Variants in UMOD observed in about 807,000 individuals in gnomAD.
UMOD encodes the protein Tamm-Horsfall urinary glycoprotein.
A neutral mutation model predicts 66.0 loss-of-function variants in UMOD; 64 were observed. That is an observed-to-expected ratio of 0.97 (90% confidence interval 0.79 to 1.19). The LOEUF (loss-of-function observed/expected upper bound fraction) is 1.19, where lower values mean the gene tolerates loss of function less well. Among genes scored for constraint, UMOD ranks in the 50% most tolerant of loss-of-function variants. The pLI is 0.00. For missense variants in UMOD, 764 were observed against 850.9 expected (o/e 0.90, Z 1.27); for synonymous variants, 398 against 352.7 (o/e 1.13, Z -1.44).
rs756373934 is a variant in UMOD, at chr16:20,341,156, G to A, written c.1512C>T (p.Thr504=). Reference sequence around the variant, plus strand: ...TGCTACTGGGTGTGGCATAGCAGTTGGTCATGAGCAGTGCAAATCGGGACA... The same window carrying A: ...TGCTACTGGGTGTGGCATAGCAGTTAGTCATGAGCAGTGCAAATCGGGACA... ...GDLSRFALLM[T]NCYATPSSNA... Residue 504 remains threonine, a synonymous_variant, in exon 7 of 11, where the codon ACC becomes ACT. Coordinates refer to ENST00000396138, the MANE Select transcript of UMOD (RefSeq NM_003361.4). 11 of 1,613,990 alleles carry A rather than the reference G, an allele frequency of 6.8e-6. No individual in the cohort carries two copies. In the East Asian group the frequency reaches 1.8e-4, roughly 26 times the overall value.
chr16:20,350,986 C>G, intron 1 of UMOD, 147 bp from the exon 2 acceptor site: 2 of 752,230 alleles, frequency 2.7e-6, no homozygotes, highest in South Asian at 3.7e-5. Context: ...CCTTGTTTTG[C>G]TGGGACTTTA....
intron 7 of UMOD, 139 bp downstream of exon 7, chr16:20,340,952 C>T (rs888722608): frequency 1.1e-5 from 11 of 970,204 alleles, no homozygotes; most frequent in Non-Finnish European, 1.4e-5. Context: ...CGAGGTCACA[C>T]CATTGCACTC....
At position 20,341,252 on chromosome 16, in the gene UMOD, G is replaced by A. The variant is rs1431441223; in HGVS notation, c.1416C>T (p.Tyr472=). 6.2e-7 allele frequency: 1 copy of A among 1,614,086 alleles called. No homozygotes were observed. The highest frequency in any genetic ancestry group is 8.5e-7 in the Non-Finnish European group (1 of 1,180,014). ...LFQTPSYTQP[Y]QGSSVTLSTE... ...TGGACAGTGTCACGGAGGAGCCTTG[G>A]TAGGGCTGCGTGTAGGAAGGGGTCT... Residue 472 remains tyrosine, a synonymous_variant, in exon 7 of 11, where the codon TAC becomes TAT. Transcript: ENST00000396138.
At position 20,348,581 on chromosome 16, in the gene UMOD, C is replaced by T. The variant is rs1238214228; in HGVS notation, c.720G>A (p.Glu240=). The stretch of plus-strand genomic sequence containing the variant: ...CGCAGGCCTTGCGGCTCACGATGCC[C>T]TCGTCGCTGGACGGATGCGTGCCAT... The part of the protein sequence containing the change: ...WLNGTHPSSD[E]GIVSRKACAH... The change falls in exon 3 of 11, where the codon GAG becomes GAA. Residue 240 remains glutamate, a synonymous_variant. Transcript: ENST00000396138. The T allele has an allele frequency of 2.5e-6, 4 of 1,594,776 alleles. No individual in the cohort carries two copies. The highest frequency in any genetic ancestry group is 2.3e-5 in the East Asian group (1 of 44,266).
At chr16:20,334,651 C>T (rs565690688) in intron 10 of UMOD, among the ~76,000 whole-genome samples, 1 of 152,140 alleles carries the variant, frequency 6.6e-6, no homozygotes, top group East Asian at 1.9e-4. Flanking sequence ...CCAGGCACTC[C>T]AGGCATTTCC....
intron 4 of UMOD, among the ~76,000 whole-genome samples, 198 bp from the exon 5 acceptor site, chr16:20,346,532 A>C (rs1406415268): frequency 6.6e-6 from 1 of 152,210 alleles, no homozygotes; most frequent in Non-Finnish European, 1.5e-5. Context: ...CCACTGACCA[A>C]CCACTCAGTC....
intron 6 of UMOD, among the ~76,000 whole-genome samples, chr16:20,343,151 A>ATAAATAAATAAT (rs34049357): frequency 1.5e-4 from 23 of 151,442 alleles, no homozygotes; most frequent in South Asian, 4.2e-4. Context: ...AAATAAATAA[A>ATAAATAAATAAT]TAAATAATCA....
Position 20,348,569 on chromosome 16 carries a change from G to T in UMOD, c.732C>A (p.Ser244Arg). The T allele has an allele frequency of 6.3e-7, 1 of 1,596,326 alleles. No homozygotes were observed. Among genetic ancestry groups the T allele is most frequent in the African/African-American group, 1.3e-5 (1 of 74,896 alleles). ...THPSSDEGIV[S>R]RKACAHWSGH... The stretch of plus-strand genomic sequence containing the variant: ...CGCTCCAGTGCGCGCAGGCCTTGCG[G>T]CTCACGATGCCCTCGTCGCTGGACG... Residue 244 changes from serine (S) to arginine (R), a missense_variant, in exon 3 of 11, where the codon AGC becomes AGA. By Grantham distance (110) the Ser-to-Arg change is moderately radical (BLOSUM62 -1). Coordinates refer to ENST00000396138, the MANE Select transcript of UMOD (RefSeq NM_003361.4).
rs1414886886 is a variant in UMOD, at chr16:20,333,294, A to G, written c.*20T>C. On this transcript the variant is annotated 3_prime_UTR_variant, in exon 11 of 11. Coordinates refer to ENST00000396138, the MANE Select transcript of UMOD (RefSeq NM_003361.4). ...GGAGGTGAGATGGCAGCCATGGAGC[A>G]CAGGGCTTTCCGCTGTCAGTCACTG... 6.2e-7 allele frequency: 1 copy of G among 1,611,220 alleles called. No homozygotes were observed. The highest frequency in any genetic ancestry group is 1.7e-5 in the Admixed American group (1 of 59,824).
chr16:20,355,955 A>T (rs538943640), upstream of UMOD, among the ~76,000 whole-genome samples: 4 of 152,226 alleles, frequency 2.6e-5, no homozygotes, highest in African/African-American at 9.6e-5. Context: ...TCTCACTCAG[A>T]TTTACCTGCA....
At chr16:20,343,931 C>A in intron 6 of UMOD, 93 bp downstream of exon 6, 1 of 1,496,018 alleles carries the variant, frequency 6.7e-7, no homozygotes, top group Non-Finnish European at 9.2e-7. Flanking sequence ...TCACTCCCAG[C>A]TCCCTGTGGG....
chr16:20,349,214 T>C lies in UMOD; in HGVS notation c.89-2A>G, dbSNP rs767860798. On this transcript the variant is annotated splice_acceptor_variant, in intron 2 of 10. Transcript: ENST00000396138. LOFTEE classifies it high-confidence loss of function. ...TGCTGTGACATTCAGAGCACCATCC[T>C]GTGGACAGAAAAGCCCAGCTTCAGG... 4 of 1,612,894 alleles carry C rather than the reference T, an allele frequency of 2.5e-6. No individual in the cohort carries two copies. The highest frequency in any genetic ancestry group is 3.4e-6 in the Non-Finnish European group (4 of 1,179,858).
At chr16:20,337,818 G>A (rs1759788050) in intron 7 of UMOD, among the ~76,000 whole-genome samples, 1 of 152,132 alleles carries the variant, frequency 6.6e-6, no homozygotes, top group Non-Finnish European at 1.5e-5. Flanking sequence ...GCTGCTATGT[G>A]CTATCTACAA....
upstream of UMOD, chr16:20,352,821 G>A (rs1385693535): frequency 9.5e-7 from 1 of 1,049,698 alleles, no homozygotes; most frequent in Admixed American, 4.3e-5. Flanking sequence ...TCTTGGGGGT[G>A]GAATATTTTT....
intron 6 of UMOD, 96 bp downstream of exon 6, chr16:20,343,928 C>A: frequency 1.3e-6 from 2 of 1,488,596 alleles, no homozygotes; most frequent in South Asian, 2.3e-5. Flanking sequence ...CCCTCACTCC[C>A]AGCTCCCTGT....
chr16:20,338,139 T>A (rs1964984189), intron 7 of UMOD, among the ~76,000 whole-genome samples: 1 of 152,212 alleles, frequency 6.6e-6, no homozygotes, highest in South Asian at 2.1e-4. Context: ...TTTTCACTCT[T>A]AGCTCTGTGT....
Position 20,344,261 on chromosome 16 carries a change from G to C in UMOD, c.1183-89C>G, listed in dbSNP as rs533612431. 11 of 1,340,792 alleles carry C rather than the reference G, an allele frequency of 8.2e-6. No individual in the cohort carries two copies. The South Asian group carries it at 1.3e-4, about 16-fold the overall frequency. 83.1% of individuals were successfully genotyped at this position (1,340,792 alleles called of 1,614,324 possible). A position where few individuals can be genotyped will look rare whatever the true frequency, so the allele number is the denominator to read the frequency against. ...TAGGACTTCAAAGCTAAATCTGCTG[G>C]TCTCATGTCTGGCTACTTGTGAGCC... is the stretch of plus-strand genomic sequence containing the variant. On this transcript the variant is annotated intron_variant, in intron 5 of 10. Transcript: ENST00000396138.
At chr16:20,349,932 A>C (rs1471815244) in intron 2 of UMOD, 1 of 1,488,214 alleles carries the variant, frequency 6.7e-7, no homozygotes, top group Non-Finnish European at 9.0e-7. Context: ...CAATTACTAT[A>C]TGCCAGGCAA....
Position 20,346,331 on chromosome 16 carries a change from A to G in UMOD, c.977T>C (p.Ile326Thr). The G allele has an allele frequency of 1.2e-6, 2 of 1,614,184 alleles. No homozygotes were observed. Among genetic ancestry groups the G allele is most frequent in the Non-Finnish European group, 8.5e-7 (1 of 1,180,036 alleles). Reference sequence around the variant, plus strand: ...TTCCAGCCTGTGCTCCAGGAGGGAGATATCTGAAACAGGTTAGGTGGGATT... The same window carrying G: ...TTCCAGCCTGTGCTCCAGGAGGGAGGTATCTGAAACAGGTTAGGTGGGATT... ...QCKQDFNITDISLLEHRLECG... is the reference protein window; with the variant it reads ...QCKQDFNITDTSLLEHRLECG... The change falls in exon 5 of 11, where the codon ATC becomes ACC. Residue 326 changes from isoleucine (I) to threonine (T), a missense_variant. Coordinates refer to ENST00000396138, the MANE Select transcript of UMOD (RefSeq NM_003361.4).
Sources: gnomAD v4.1 joint callset for allele counts (sites outside exome capture counted in the v4.1 genomes callset) on GRCh38, gnomAD v4.1.1 for gene constraint, MANE v1.5 for transcripts, NCBI Gene and HGNC (gene_info 2026-07-23, HGNC 2026-07-21) for gene names.